Variants in NFIB observed in about 807,000 individuals in gnomAD.
NFIB encodes nuclear factor I B.
In NFIB, 11 loss-of-function variants were observed where a neutral mutation model predicts 61.5. The ratio of observed to expected loss-of-function variants is 0.18; its 90% CI spans 0.11 to 0.30. The LOEUF (loss-of-function observed/expected upper bound fraction) is 0.30, where lower values mean the gene tolerates loss of function less well. NFIB is among the 10% of genes least tolerant of loss of function. The pLI is 1.00. For synonymous variants in NFIB, 260 were observed against 216.5 expected, an observed-to-expected ratio of 1.20 and a Z score of -1.76; for missense variants, 471 against 608.9, an observed-to-expected ratio of 0.77 and a Z score of 2.38.
the NFIB span, among the ~76,000 whole-genome samples, chr9:14,432,391 A>G: frequency 6.6e-6 from 1 of 152,228 alleles, no homozygotes; most frequent in Non-Finnish European, 1.5e-5. Flanking sequence ...AGCCCCTGCT[A>G]CACCCATTCC....
chr9:14,403,218 C>T (rs748375050), upstream of NFIB, among the ~76,000 whole-genome samples: 5 of 152,154 alleles, frequency 3.3e-5, no homozygotes, highest in African/African-American at 9.7e-5. Flanking sequence ...GGCTATGAAA[C>T]GATGTAAAAG....
rs567165945 is a variant in NFIB, at chr9:14,148,243, C to T, written c.807-1436G>A. On this transcript the variant is annotated intron_variant, in intron 5 of 10. Coordinates refer to ENST00000380953, the MANE Select transcript of NFIB (RefSeq NM_001190737.2). ...GCTCAAGTGATCCTCCTACCACAGC[C>T]GCCCAAATAGTTAGGATCACACACA... Among the ~76,000 whole-genome samples, 157 of 152,098 alleles carry T rather than the reference C, an allele frequency of 1.0e-3. 7 individuals carry two copies. The South Asian group carries it at 0.03, about 29-fold the overall frequency.
chr9:14,446,207 G>A, the NFIB span, among the ~76,000 whole-genome samples: 49 of 152,282 alleles, frequency 3.2e-4, 1 homozygote, highest in South Asian at 3.3e-3. Flanking sequence ...TTTCACAATA[G>A]TGTGTCTAAG....
chr9:14,152,964 C>G (rs957549907), intron 4 of NFIB, among the ~76,000 whole-genome samples: 1 of 151,882 alleles, frequency 6.6e-6, no homozygotes, highest in Admixed American at 6.6e-5. Flanking sequence ...TTTGATAGCA[C>G]AGCAGGGTGG....
chr9:14,429,250 G>A, the NFIB span, among the ~76,000 whole-genome samples: 1 of 152,128 alleles, frequency 6.6e-6, no homozygotes, highest in Admixed American at 6.5e-5. Flanking sequence ...GGGAAGGGGA[G>A]TACTGGTCAT....
chr9:14,145,136 G>T (rs902429393), intron 6 of NFIB, among the ~76,000 whole-genome samples: 1 of 151,882 alleles, frequency 6.6e-6, no homozygotes, highest in Admixed American at 6.6e-5. Context: ...CTGAGGGGGG[G>T]GTCTCACAGT....
Position 14,088,220 on chromosome 9 carries a change from G to A in NFIB, c.*89C>T, listed in dbSNP as rs2033167817. On this transcript the variant is annotated 3_prime_UTR_variant, in exon 11 of 11. Coordinates refer to ENST00000380953, the MANE Select transcript of NFIB (RefSeq NM_001190737.2). Reference sequence around the variant, plus strand: ...CCTCAGTTGCTTGTTTCTGCTTGAAGGAAAGGTTCTCCAATTATGTTCAAA... The same window carrying A: ...CCTCAGTTGCTTGTTTCTGCTTGAAAGAAAGGTTCTCCAATTATGTTCAAA... The A allele has an allele frequency of 6.4e-7, 1 of 1,552,056 alleles. No homozygotes were observed. The highest frequency in any genetic ancestry group is 8.7e-7 in the Non-Finnish European group (1 of 1,145,202).
At chr9:14,371,301 C>T (rs1206670514) in intron 1 of NFIB, among the ~76,000 whole-genome samples, 1 of 152,212 alleles carries the variant, frequency 6.6e-6, no homozygotes, top group Non-Finnish European at 1.5e-5. Context: ...GGAGAAAACA[C>T]TAGTATAAAG....
At chr9:14,447,103 T>A in the NFIB span, among the ~76,000 whole-genome samples, 1 of 152,202 alleles carries the variant, frequency 6.6e-6, no homozygotes, top group African/African-American at 2.4e-5. Flanking sequence ...TTTCATAGGT[T>A]CAATGTAGTT....
chr9:14,215,023 T>C (rs1437181414), intron 2 of NFIB, among the ~76,000 whole-genome samples: 1 of 152,228 alleles, frequency 6.6e-6, no homozygotes, highest in African/African-American at 2.4e-5. Flanking sequence ...GGAAGAGATT[T>C]ACTTTTCACT....
At chr9:14,344,783 C>T (rs2060999382) in intron 1 of NFIB, among the ~76,000 whole-genome samples, 1 of 85,052 alleles carries the variant, frequency 1.2e-5, no homozygotes, top group Non-Finnish European at 1.9e-5. Context: ...AAAAAAAATC[C>T]GTAACTACAA....
chr9:14,429,152 G>T, the NFIB span, among the ~76,000 whole-genome samples: 1 of 152,140 alleles, frequency 6.6e-6, no homozygotes, highest in South Asian at 2.1e-4. Flanking sequence ...ACAACCCAAG[G>T]CATGTTTATT....
chr9:14,410,011 T>C, the NFIB span, among the ~76,000 whole-genome samples: 1 of 152,184 alleles, frequency 6.6e-6, no homozygotes, highest in Non-Finnish European at 1.5e-5. Context: ...TCATATACAC[T>C]TGTATCTTTA....
At chr9:14,353,813 T>G (rs979809198) in intron 1 of NFIB, among the ~76,000 whole-genome samples, 2 of 150,976 alleles carry the variant, frequency 1.3e-5, no homozygotes, top group African/African-American at 4.9e-5. Context: ...CGTTCTAGAG[T>G]CCAAATAGAG....
At chr9:14,238,681 A>G (rs1213675633) in intron 2 of NFIB, among the ~76,000 whole-genome samples, 1 of 152,162 alleles carries the variant, frequency 6.6e-6, no homozygotes, top group East Asian at 1.9e-4. Flanking sequence ...AAGGTAGGAA[A>G]TGGCTGCATC....
chr9:14,155,737 T>TA (rs2043320258), intron 4 of NFIB, 88 bp downstream of exon 4: 2 of 648,942 alleles, frequency 3.1e-6, no homozygotes, highest in South Asian at 5.7e-5. Context: ...TAATATGTGG[T>TA]CACTCTTTAT....
the NFIB span, among the ~76,000 whole-genome samples, chr9:14,467,716 G>A: frequency 1.3e-5 from 2 of 151,984 alleles, no homozygotes; most frequent in South Asian, 2.1e-4. Flanking sequence ...CCTACCATAG[G>A]CCAAGCTCTG....
chr9:14,265,362 T>G (rs2057109837), intron 2 of NFIB, among the ~76,000 whole-genome samples: 1 of 152,102 alleles, frequency 6.6e-6, no homozygotes, highest in African/African-American at 2.4e-5. Flanking sequence ...CGGAGGTAAT[T>G]AAGATTACGT....
intron 2 of NFIB, among the ~76,000 whole-genome samples, chr9:14,251,019 C>T (rs567486583): frequency 2.5e-4 from 38 of 152,202 alleles, no homozygotes; most frequent in Non-Finnish European, 4.7e-4. Flanking sequence ...GATGTCTATT[C>T]CTGAAGTATG....
Sources: gnomAD v4.1 joint callset for allele counts (sites outside exome capture counted in the v4.1 genomes callset) on GRCh38, gnomAD v4.1.1 for gene constraint, MANE v1.5 for transcripts, NCBI Gene and HGNC (gene_info 2026-07-23, HGNC 2026-07-21) for gene names.